NRXN3: variants seen among roughly 807,000 people sequenced by gnomAD.
NRXN3 encodes neurexin 3.
A neutral mutation model predicts 137.6 loss-of-function variants in NRXN3; 32 were observed. The ratio of observed to expected loss-of-function variants is 0.23; its 90% confidence interval spans 0.18 to 0.31. NRXN3 has a LOEUF of 0.31. NRXN3 is among the 10% of genes least tolerant of loss of function. The probability of loss-of-function intolerance (pLI) is 1.00; values close to 1 mark genes in which losing one functional copy is unlikely to be tolerated. For synonymous variants in NRXN3, 798 were observed against 784.5 expected, an observed-to-expected ratio of 1.02 and a Z score of -0.29; for missense variants, 1,574 against 2,062.5, an observed-to-expected ratio of 0.76 and a Z score of 4.59.
At chr14:79,806,590 A>G (rs967806854) in intron 20 of NRXN3, among the ~76,000 whole-genome samples, 1 of 152,162 alleles carries the variant, frequency 6.6e-6, no homozygotes, top group Non-Finnish European at 1.5e-5. Context: ...AAAAGGGCAG[A>G]TACATCCGAA....
At chr14:79,218,155 A>G (rs2068870775) in intron 15 of NRXN3, among the ~76,000 whole-genome samples, 2 of 152,148 alleles carry the variant, frequency 1.3e-5, no homozygotes, top group African/African-American at 2.4e-5. Flanking sequence ...TTTTGTTTCA[A>G]CTAGATGTTG....
At chr14:79,209,631 A>G (rs1281337194) in intron 15 of NRXN3, among the ~76,000 whole-genome samples, 2 of 152,074 alleles carry the variant, frequency 1.3e-5, no homozygotes, top group Non-Finnish European at 2.9e-5. Context: ...AGCACTTACT[A>G]ATTATCTTTG....
chr14:78,588,779 C>T (rs555371694), intron 4 of NRXN3, among the ~76,000 whole-genome samples: 2 of 152,184 alleles, frequency 1.3e-5, no homozygotes, highest in African/African-American at 4.8e-5. Flanking sequence ...TTTCTCAGTC[C>T]CTTGTCCGCC....
intron 15 of NRXN3, among the ~76,000 whole-genome samples, chr14:79,166,277 A>G (rs981238533): frequency 6.6e-6 from 1 of 151,866 alleles, no homozygotes; most frequent in Admixed American, 6.6e-5. Context: ...ATGATCTTTC[A>G]TCATGCCGGC....
At chr14:79,064,766 T>C (rs553809405) in intron 15 of NRXN3, among the ~76,000 whole-genome samples, 5 of 144,220 alleles carry the variant, frequency 3.5e-5, no homozygotes, top group South Asian at 2.2e-4. Context: ...TACCCATATA[T>C]ATGTATGTGT....
Position 78,943,618 on chromosome 14 carries a change from AAAAATATATATATATATATATATATAT to A in NRXN3, c.2276-13622_2276-13596del, listed in dbSNP as rs1418032697. Among the ~76,000 whole-genome samples the A allele has an allele frequency of 1.2e-3, 47 of 39,950 alleles. 2 individuals are homozygous for A. Among genetic ancestry groups the A allele is most frequent in the Admixed American group, 2.2e-3 (8 of 3,624 alleles). 26.2% of individuals were successfully genotyped at this position (39,950 alleles called of 152,430 possible). A position where few individuals can be genotyped will look rare whatever the true frequency, so the allele number is the denominator to read the frequency against. ...AGAAGCAAGATCACTGTTAAAAAAAAAAAATATATATATATATATATATATATATATATATATATATATATATATATA... is the reference window on the plus strand; with the variant it reads ...AGAAGCAAGATCACTGTTAAAAAAAAATATATATATATATATATATATATA... On this transcript the variant is annotated intron_variant, in intron 10 of 20. Coordinates refer to ENST00000335750, the MANE Select transcript of NRXN3 (RefSeq NM_001330195.2).
chr14:78,406,020 AT>A (rs2092461802), intron 4 of NRXN3, among the ~76,000 whole-genome samples: 1 of 152,228 alleles, frequency 6.6e-6, no homozygotes, highest in African/African-American at 2.4e-5. Flanking sequence ...GAATGGATGA[AT>A]CATGAGGGAA....
At chr14:78,730,507 C>G (rs1263292802) in intron 8 of NRXN3, among the ~76,000 whole-genome samples, 1 of 152,064 alleles carries the variant, frequency 6.6e-6, no homozygotes, top group African/African-American at 2.4e-5. Flanking sequence ...AGGGCTTTTC[C>G]CTCCCAGAGG....
At chr14:79,431,449 G>A (rs893582370) in intron 15 of NRXN3, among the ~76,000 whole-genome samples, 1 of 152,114 alleles carries the variant, frequency 6.6e-6, no homozygotes, top group South Asian at 2.1e-4. Flanking sequence ...AGAGATTAGA[G>A]TACTACACTG....
At chr14:78,564,122 A>AG (rs553787451) in intron 4 of NRXN3, among the ~76,000 whole-genome samples, 233 of 152,298 alleles carry the variant, frequency 1.5e-3, no homozygotes, top group African/African-American at 5.3e-3. Context: ...TAAAATACTT[A>AG]GGGGGAAAAA....
intron 3 of NRXN3, among the ~76,000 whole-genome samples, chr14:78,285,633 G>C (rs977499105): frequency 3.9e-5 from 6 of 152,182 alleles, no homozygotes; most frequent in Non-Finnish European, 7.3e-5. Flanking sequence ...CTAGAACTCT[G>C]ACAATACATT....
intron 15 of NRXN3, among the ~76,000 whole-genome samples, chr14:79,187,259 C>T (rs2063651184): frequency 6.6e-6 from 1 of 152,186 alleles, no homozygotes; most frequent in Non-Finnish European, 1.5e-5. Flanking sequence ...AACCACTTAG[C>T]AGTTTTCATA....
intron 2 of NRXN3, among the ~76,000 whole-genome samples, chr14:78,269,992 A>G (rs7154581): frequency 0.036 from 5,455 of 152,310 alleles, 289 homozygotes; most frequent in African/African-American, 0.12. Context: ...ACACCTTGCT[A>G]AGTGCTTTTG....
At chr14:79,766,792 G>C (rs1245307925) in intron 19 of NRXN3, among the ~76,000 whole-genome samples, 1 of 152,202 alleles carries the variant, frequency 6.6e-6, no homozygotes, top group African/African-American at 2.4e-5. Flanking sequence ...GTAGGGGTTA[G>C]CAGGCAGGCA....
At chr14:79,545,739 T>G (rs573164581) in intron 16 of NRXN3, among the ~76,000 whole-genome samples, 1 of 152,042 alleles carries the variant, frequency 6.6e-6, no homozygotes, top group Non-Finnish European at 1.5e-5. Context: ...TATAGCCTCT[T>G]CCTCCACACT....
chr14:79,547,466 T>A (rs1318734241), intron 16 of NRXN3, among the ~76,000 whole-genome samples: 1 of 152,178 alleles, frequency 6.6e-6, no homozygotes. Flanking sequence ...GCAAGCCAAA[T>A]CTTGCCTCAA....
chr14:78,974,190 A>G (rs1375907622), intron 14 of NRXN3, among the ~76,000 whole-genome samples: 3 of 152,232 alleles, frequency 2.0e-5, no homozygotes, highest in Admixed American at 6.5e-5. Flanking sequence ...TTAATTGTCA[A>G]GAAAGATCCA....
At chr14:78,202,392 TGGA>T (rs1263080371) in intron 1 of NRXN3, among the ~76,000 whole-genome samples, 1 of 152,238 alleles carries the variant, frequency 6.6e-6, no homozygotes, top group Non-Finnish European at 1.5e-5. Context: ...TTCCTGTTTC[TGGA>T]GATGTCAAGA....
Position 78,230,087 on chromosome 14 carries a change from C to T in NRXN3, c.-703-12304C>T, listed in dbSNP as rs530561281. 2.0e-5 allele frequency among the ~76,000 whole-genome samples: 3 copies of T among 152,222 alleles called. 1 individual carries two copies. The highest frequency in any genetic ancestry group is 7.2e-5 in the African/African-American group (3 of 41,526). On this transcript the variant is annotated intron_variant, in intron 1 of 20. Transcript: ENST00000335750. ...TCACCCAGGCTAGAGTGCAGTGGCA[C>T]GATCTCGGCTCACTGCAACCTCCGC...
Sources: gnomAD v4.1 joint callset for allele counts (sites outside exome capture counted in the v4.1 genomes callset) on GRCh38, gnomAD v4.1.1 for gene constraint, MANE v1.5 for transcripts, NCBI Gene and HGNC (gene_info 2026-07-23, HGNC 2026-07-21) for gene names.